Variants in PTPRD observed in about 807,000 individuals in gnomAD.
PTPRD encodes receptor-type tyrosine-protein phosphatase delta.
A neutral mutation model predicts 214.5 loss-of-function variants in PTPRD; 34 were observed. The ratio of observed to expected loss-of-function variants is 0.16; its 90% CI spans 0.12 to 0.21. The LOEUF (loss-of-function observed/expected upper bound fraction) is 0.21. Among genes scored for constraint, PTPRD ranks in the 10% least tolerant of loss-of-function variants. The pLI is 1.00. For synonymous variants in PTPRD, 1,128 were observed against 845.7 expected, an observed-to-expected ratio of 1.33 and a Z score of -5.79; for missense variants, 2,545 against 2,398.7, an observed-to-expected ratio of 1.06 and a Z score of -1.27.
chr9:9,697,634 A>C (rs1214938268), intron 7 of PTPRD, among the ~76,000 whole-genome samples: 1 of 151,948 alleles, frequency 6.6e-6, no homozygotes, highest in Non-Finnish European at 1.5e-5. Context: ...TTGACCTTTG[A>C]GAGTTTAATT....
chr9:8,671,900 T>C (rs12351908), intron 12 of PTPRD, among the ~76,000 whole-genome samples: 7,623 of 152,234 alleles, frequency 0.05, 652 homozygotes, highest in African/African-American at 0.17. Context: ...TTCAAAGATA[T>C]TGGAGTAACT....
At chr9:10,447,780 C>T (rs1339639175) in intron 2 of PTPRD, among the ~76,000 whole-genome samples, 1 of 151,888 alleles carries the variant, frequency 6.6e-6, no homozygotes, top group African/African-American at 2.4e-5. Flanking sequence ...TTCAGGTTCT[C>T]TATTATTTAC....
chr9:9,677,492 G>C (rs2096959177), intron 7 of PTPRD, among the ~76,000 whole-genome samples: 1 of 152,094 alleles, frequency 6.6e-6, no homozygotes, highest in South Asian at 2.1e-4. Flanking sequence ...AATAGATGCA[G>C]AAAAGGCCTT....
At chr9:10,188,537 T>A (rs934402430) in intron 3 of PTPRD, among the ~76,000 whole-genome samples, 3 of 151,968 alleles carry the variant, frequency 2.0e-5, no homozygotes, top group Non-Finnish European at 4.4e-5. Flanking sequence ...TTTTCAATAT[T>A]TTTTTTTCAT....
chr9:10,095,558 T>A (rs940282208), intron 3 of PTPRD, among the ~76,000 whole-genome samples: 2 of 151,558 alleles, frequency 1.3e-5, no homozygotes, highest in Non-Finnish European at 3.0e-5. Flanking sequence ...GCCTTCTCTA[T>A]ATACCAGACA....
intron 11 of PTPRD, among the ~76,000 whole-genome samples, chr9:9,016,574 A>T (rs1377937571): frequency 6.6e-6 from 1 of 152,154 alleles, no homozygotes; most frequent in Non-Finnish European, 1.5e-5. Context: ...CACCCACAGC[A>T]GGATATTCTT....
At position 10,507,519 on chromosome 9, in the gene PTPRD, G is replaced by T. The variant is rs372890053; in HGVS notation, c.-600+104879C>A. Among the ~76,000 whole-genome samples, 15 of 152,174 alleles carry T rather than the reference G, an allele frequency of 9.9e-5. No individual in the cohort carries two copies. In the East Asian group the frequency reaches 1.7e-3, roughly 18 times the overall value. ...AATCCTAAGCCAAAAGAACAAAGCT[G>T]GAGGAATCACGCTACCTGACTTCAA... On this transcript the variant is annotated intron_variant, in intron 2 of 45. Transcript: ENST00000381196.
At position 9,495,420 on chromosome 9, in the gene PTPRD, G is replaced by T. The variant is rs143107177; in HGVS notation, c.-237+79312C>A. 3.2e-3 allele frequency among the ~76,000 whole-genome samples: 492 copies of T among 151,778 alleles called. 2 individuals are homozygous for T. Among genetic ancestry groups the T allele is most frequent in the Non-Finnish European group, 5.2e-3 (350 of 67,958 alleles). On this transcript the variant is annotated intron_variant, in intron 8 of 45. Coordinates refer to ENST00000381196, the MANE Select transcript of PTPRD (RefSeq NM_002839.4). ...CTGTTTTCCCACTCTCTCCCAATTGGTTCTTTCTGAATAATGCCTTTTTAC... is the reference window on the plus strand; with the variant it reads ...CTGTTTTCCCACTCTCTCCCAATTGTTTCTTTCTGAATAATGCCTTTTTAC...
intron 2 of PTPRD, among the ~76,000 whole-genome samples, chr9:10,596,528 G>T (rs1182643360): frequency 1.3e-5 from 2 of 151,498 alleles, no homozygotes; most frequent in Non-Finnish European, 3.0e-5. Context: ...AAGAAACAAA[G>T]AATAAGCACA....
At chr9:9,874,050 T>C (rs180807261) in intron 5 of PTPRD, among the ~76,000 whole-genome samples, 204 of 152,284 alleles carry the variant, frequency 1.3e-3, no homozygotes, top group African/African-American at 4.7e-3. Flanking sequence ...TCACAACAGA[T>C]GAAATGTTTT....
At chr9:10,402,007 C>T (rs1403336588) in intron 2 of PTPRD, among the ~76,000 whole-genome samples, 1 of 150,952 alleles carries the variant, frequency 6.6e-6, no homozygotes, top group Admixed American at 6.6e-5. Flanking sequence ...ATAAGAAATC[C>T]AATTCTAAAA....
intron 2 of PTPRD, among the ~76,000 whole-genome samples, chr9:10,411,885 G>C (rs1416783420): frequency 6.6e-6 from 1 of 151,468 alleles, no homozygotes; most frequent in Non-Finnish European, 1.5e-5. Context: ...AATAAACTTG[G>C]GGTAAAACCA....
chr9:9,098,136 C>T (rs1445207237), intron 10 of PTPRD, among the ~76,000 whole-genome samples: 5 of 151,976 alleles, frequency 3.3e-5, no homozygotes, highest in Admixed American at 2.6e-4. Context: ...CCATGTATCA[C>T]CTCAAATCAC....
At chr9:10,432,920 T>C (rs619126) in intron 2 of PTPRD, among the ~76,000 whole-genome samples, 22,606 of 151,848 alleles carry the variant, frequency 0.15, 2,263 homozygotes, top group East Asian at 0.56. Context: ...GCTTACCCCA[T>C]CCCCTTTTCA....
intron 11 of PTPRD, among the ~76,000 whole-genome samples, chr9:8,899,871 A>G (rs909328486): frequency 2.0e-5 from 3 of 152,228 alleles, no homozygotes; most frequent in African/African-American, 7.2e-5. Context: ...CTAGACATTC[A>G]AAGAGCAACA....
At chr9:8,697,228 G>C (rs936311539) in intron 12 of PTPRD, among the ~76,000 whole-genome samples, 130 of 152,076 alleles carry the variant, frequency 8.5e-4, no homozygotes, top group African/African-American at 2.5e-3. Flanking sequence ...AGGGAAAAGG[G>C]AGAAAAGGGC....
chr9:10,498,064 A>C (rs2042611725), intron 2 of PTPRD, among the ~76,000 whole-genome samples: 1 of 151,978 alleles, frequency 6.6e-6, no homozygotes, highest in Non-Finnish European at 1.5e-5. Context: ...CATAATTTAT[A>C]ATCTATTTGA....
chr9:9,714,859 C>T (rs1469842177), intron 7 of PTPRD, among the ~76,000 whole-genome samples: 2 of 152,078 alleles, frequency 1.3e-5, no homozygotes, highest in East Asian at 3.8e-4. Flanking sequence ...CTTCCTTTAT[C>T]CTGATATGAA....
At chr9:10,038,110 G>A (rs2097221519) in intron 3 of PTPRD, among the ~76,000 whole-genome samples, 1 of 152,082 alleles carries the variant, frequency 6.6e-6, no homozygotes. Context: ...CTGAACATGA[G>A]TACCATTTTA....
Sources: allele counts gnomAD v4.1 joint callset (sites outside exome capture counted in the v4.1 genomes callset), GRCh38; gene constraint gnomAD v4.1.1; transcripts MANE v1.5; gene names NCBI Gene and HGNC (gene_info 2026-07-23, HGNC 2026-07-21).